IPO11: variants seen among roughly 807,000 people sequenced by gnomAD.
IPO11 encodes the protein importin 11.
IPO11 carries 66 observed loss-of-function variants against 143.2 expected under a neutral mutation model. The ratio of observed to expected loss-of-function variants is 0.46; its 90% CI spans 0.38 to 0.57. IPO11 has a LOEUF of 0.57. IPO11 is among the 20% of genes least tolerant of loss of function. IPO11 has a pLI of 0.00. For synonymous variants in IPO11, 385 were observed against 377.8 expected (o/e 1.02, Z -0.22); for missense variants, 1,026 against 1,141.0 (o/e 0.90, Z 1.45).
intron 20 of IPO11, among the ~76,000 whole-genome samples, chr5:62,517,899 G>A (rs1211944383): frequency 6.6e-6 from 1 of 152,144 alleles, no homozygotes; most frequent in Non-Finnish European, 1.5e-5. Context: ...AAGAGTGCAA[G>A]GTTCAAACAA....
intron 11 of IPO11, among the ~76,000 whole-genome samples, chr5:62,485,147 G>A (rs1315479149): frequency 3.9e-5 from 6 of 152,072 alleles, no homozygotes; most frequent in Non-Finnish European, 8.8e-5. Flanking sequence ...CCCTGGAAAT[G>A]ACAACTACTT....
intron 2 of IPO11, among the ~76,000 whole-genome samples, chr5:62,442,600 T>C (rs1744528614): frequency 6.6e-6 from 1 of 152,208 alleles, no homozygotes; most frequent in East Asian, 1.9e-4. Flanking sequence ...GGCTCATGCC[T>C]GTAATCCCAG....
At chr5:62,422,571 A>T (rs1743551335) in intron 1 of IPO11, 1 of 152,236 alleles carries the variant, frequency 6.6e-6, no homozygotes, top group South Asian at 2.1e-4. Flanking sequence ...CTGATCAGGT[A>T]GGGGGTGTCA....
In IPO11 at chr5:62,486,602, C is replaced by G. The variant is rs553824153; in HGVS notation, c.1218+1140C>G. ...TGAGCTCTTCTTTTTAAGATTTGCA[C>G]TTACATAATTTACATAATTAGCTAT... On this transcript the variant is annotated intron_variant, in intron 12 of 29. Transcript: ENST00000325324. Among the ~76,000 whole-genome samples the G allele has an allele frequency of 3.9e-5, 6 of 152,188 alleles. No homozygotes were observed. The South Asian group carries it at 1.2e-3, about 32-fold the overall frequency.
At chr5:62,550,332 C>A in intron 24 of IPO11, 35 bp from the exon 25 acceptor site, 1 of 1,440,444 alleles carries the variant, frequency 6.9e-7, no homozygotes, top group Non-Finnish European at 9.7e-7. Context: ...CAATGACTTG[C>A]AGTATTATCA....
intron 16 of IPO11, among the ~76,000 whole-genome samples, chr5:62,501,065 A>G (rs1455044593): frequency 2.0e-5 from 3 of 152,240 alleles, no homozygotes; most frequent in Non-Finnish European, 4.4e-5. Context: ...TTTCAGTGGT[A>G]TGGAGAAGAC....
chr5:62,559,132 C>T (rs528262932), intron 26 of IPO11, among the ~76,000 whole-genome samples: 1 of 152,084 alleles, frequency 6.6e-6, no homozygotes, highest in Admixed American at 6.6e-5. Flanking sequence ...GCTGGCTGAT[C>T]AGGATGGTGG....
At chr5:62,563,671 T>C (rs1743844734) in intron 27 of IPO11, among the ~76,000 whole-genome samples, 1 of 152,172 alleles carries the variant, frequency 6.6e-6, no homozygotes, top group African/African-American at 2.4e-5. Flanking sequence ...ATATTTCATA[T>C]ACACCTCATA....
At chr5:62,452,799 GTGTAGTACAGTGGCA>G (rs888060663) in intron 5 of IPO11, among the ~76,000 whole-genome samples, 4 of 149,112 alleles carry the variant, frequency 2.7e-5, no homozygotes, top group Admixed American at 2.7e-4. Context: ...GTCACCCAGG[GTGTAGTACAGTGGCA>G]TGATCATAGC....
chr5:62,437,380 A>G lies in IPO11; in HGVS notation c.101A>G (p.Gln34Arg), dbSNP rs536808087. 3.1e-6 allele frequency: 5 copies of G among 1,612,204 alleles called. No individual in the cohort carries two copies. The highest frequency in any genetic ancestry group is 3.3e-5 in the Admixed American group (2 of 59,822). ...AAACCAGCTGAGGAGCAGTTGAAGC[A>G]GTGGGAGACACAGCCAGGTTTCTAT... is the stretch of plus-strand genomic sequence containing the variant. ...VLKPAEEQLK[Q>R]WETQPGFYSV... The change falls in exon 2 of 30, where the codon CAG becomes CGG. Residue 34 changes from glutamine to arginine, a missense_variant. Gln to Arg is a conservative substitution (Grantham distance 43). Coordinates refer to ENST00000325324, the MANE Select transcript of IPO11 (RefSeq NM_016338.5).
chr5:62,623,648 T>TC (rs1255739091), intron 29 of IPO11, among the ~76,000 whole-genome samples: 3 of 149,742 alleles, frequency 2.0e-5, no homozygotes, highest in Non-Finnish European at 4.5e-5. Flanking sequence ...TCTTTTTCTT[T>TC]TTTTTTTTTT....
At position 62,483,491 on chromosome 5, in the gene IPO11, C is replaced by T. The variant is rs557890343; in HGVS notation, c.1021+198C>T. 5 of 441,576 alleles carry T rather than the reference C, an allele frequency of 1.1e-5. No homozygotes were observed. In the South Asian group the frequency reaches 2.0e-4, roughly 18 times the overall value. 27.4% of individuals were successfully genotyped at this position (441,576 alleles called of 1,614,324 possible). A position where few individuals can be genotyped will look rare whatever the true frequency, so the allele number is the denominator to read the frequency against. ...AAACAACATAGTGCATTTAATAAGC[C>T]ATTTTTTGTAGCACAAATTGGTTGA... is the stretch of plus-strand genomic sequence containing the variant. On this transcript the variant is annotated intron_variant, in intron 10 of 29. Coordinates refer to ENST00000325324, the MANE Select transcript of IPO11 (RefSeq NM_016338.5).
At chr5:62,520,703 G>A (rs1442682856) in intron 20 of IPO11, among the ~76,000 whole-genome samples, 6 of 152,120 alleles carry the variant, frequency 3.9e-5, no homozygotes, top group East Asian at 1.9e-4. Flanking sequence ...GGATGGCTGC[G>A]TAGTATTACA....
chr5:62,470,426 A>G (rs1182819319), intron 7 of IPO11, 118 bp downstream of exon 7: 2 of 873,534 alleles, frequency 2.3e-6, no homozygotes, highest in Non-Finnish European at 3.7e-6. Context: ...GTGACCATCT[A>G]GTTTTTTACC....
At chr5:62,494,954 T>C (rs1388399460) in intron 16 of IPO11, among the ~76,000 whole-genome samples, 1 of 152,172 alleles carries the variant, frequency 6.6e-6, no homozygotes, top group Non-Finnish European at 1.5e-5. Flanking sequence ...CCACCTGGTT[T>C]TTGCCTGTCA....
intron 7 of IPO11, among the ~76,000 whole-genome samples, chr5:62,471,759 AAAG>A (rs1045127747): frequency 1.3e-5 from 2 of 152,230 alleles, no homozygotes; most frequent in South Asian, 2.1e-4. Context: ...ATTTTTTAAA[AAAG>A]AGATATTAAT....
intron 5 of IPO11, 146 bp downstream of exon 5, chr5:62,452,079 A>G (rs1308915058): frequency 1.6e-6 from 1 of 619,372 alleles, no homozygotes; most frequent in Non-Finnish European, 2.8e-6. Flanking sequence ...CCCCATCTCT[A>G]CTAAAAACTA....
rs530521709 is a variant in IPO11, at chr5:62,436,513, T to G, written c.-6-761T>G. Among the ~76,000 whole-genome samples, 3 of 152,354 alleles carry G rather than the reference T, an allele frequency of 2.0e-5. No homozygotes were observed. The East Asian group carries it at 5.8e-4, about 29-fold the overall frequency. ...TATATTGTGAATAACTATACATACT[T>G]GCTAAGTATAGAATTGTATATACAA... On this transcript the variant is annotated intron_variant, in intron 1 of 29. Coordinates refer to ENST00000325324, the MANE Select transcript of IPO11 (RefSeq NM_016338.5).
chr5:62,605,902 T>G (rs1292950044), intron 29 of IPO11, among the ~76,000 whole-genome samples: 1 of 151,980 alleles, frequency 6.6e-6, no homozygotes, highest in Admixed American at 6.6e-5. Context: ...CGCTAATTTT[T>G]ACATGTTTTG....
Sources: allele counts gnomAD v4.1 joint callset (sites outside exome capture counted in the v4.1 genomes callset), GRCh38; gene constraint gnomAD v4.1.1; transcripts MANE v1.5; gene names NCBI Gene and HGNC (gene_info 2026-07-23, HGNC 2026-07-21).